Variants in GPHN observed in about 807,000 individuals in gnomAD.
The protein encoded by GPHN is gephyrin.
A neutral mutation model predicts 95.5 loss-of-function variants in GPHN; 17 were observed. The ratio of observed to expected loss-of-function variants is 0.18; its 90% CI spans 0.12 to 0.27. GPHN has a LOEUF of 0.27. Among genes scored for constraint, GPHN ranks in the 10% least tolerant of loss-of-function variants. The pLI is 1.00. For synonymous variants in GPHN, 320 were observed against 322.5 expected (o/e 0.99, Z 0.08); for missense variants, 660 against 978.1 (o/e 0.67, Z 4.34).
chr14:67,582,121 C>T, the GPHN span: 1 of 1,613,592 alleles, frequency 6.2e-7, no homozygotes, highest in Non-Finnish European at 8.5e-7. The surrounding 1 kb of genome is among the most constrained non-coding windows in gnomAD (Gnocchi z 5.0). Context: ...ACGGCTGCTC[C>T]TTGCCTCTCA....
chr14:67,048,322 T>C (rs1304170157), intron 10 of GPHN, among the ~76,000 whole-genome samples: 1 of 152,198 alleles, frequency 6.6e-6, no homozygotes, highest in Non-Finnish European at 1.5e-5. Context: ...CTAACATTTT[T>C]ATTACTTCCT....
chr14:66,686,714 C>A (rs1478490409), intron 2 of GPHN, among the ~76,000 whole-genome samples: 4 of 152,166 alleles, frequency 2.6e-5, no homozygotes, highest in African/African-American at 7.2e-5. Context: ...AATTTGAGTT[C>A]TTCTTTTCCT....
chr14:67,375,340 C>T, the GPHN span, among the ~76,000 whole-genome samples: 5 of 151,796 alleles, frequency 3.3e-5, no homozygotes, highest in African/African-American at 1.2e-4. Flanking sequence ...ACTGCAACCA[C>T]CTCCTCCTGG....
the GPHN span, among the ~76,000 whole-genome samples, chr14:67,499,212 C>T: frequency 6.6e-6 from 1 of 152,046 alleles, no homozygotes; most frequent in African/African-American, 2.4e-5. Flanking sequence ...CTATGTTGCT[C>T]AGGCTGGTCT....
intron 14 of GPHN, among the ~76,000 whole-genome samples, chr14:67,110,804 G>C (rs1270165505): frequency 1.3e-5 from 2 of 152,158 alleles, no homozygotes; most frequent in Admixed American, 1.3e-4. Context: ...CTGTAAGTCT[G>C]GAAAAAGCTG....
At chr14:67,668,250 A>G in the GPHN span, among the ~76,000 whole-genome samples, 3 of 152,226 alleles carry the variant, frequency 2.0e-5, no homozygotes, top group Admixed American at 6.5e-5. Context: ...AAATTATAGC[A>G]CATTATAGTA....
chr14:67,432,097 A>G, the GPHN span, among the ~76,000 whole-genome samples: 2 of 152,210 alleles, frequency 1.3e-5, no homozygotes. Flanking sequence ...AGCCACTATG[A>G]ATTGGTAACA....
At chr14:67,162,416 A>G (rs1246005145) in intron 19 of GPHN, among the ~76,000 whole-genome samples, 1 of 152,274 alleles carries the variant, frequency 6.6e-6, no homozygotes, top group Admixed American at 6.5e-5. Context: ...GCTACTTAAT[A>G]TTAGAACAAA....
At chr14:67,394,428 C>A in the GPHN span, among the ~76,000 whole-genome samples, 78 of 152,224 alleles carry the variant, frequency 5.1e-4, no homozygotes, top group Non-Finnish European at 9.1e-4. Context: ...CCCAAGAGTG[C>A]ACAGTAGCCC....
the GPHN span, among the ~76,000 whole-genome samples, chr14:67,448,838 C>G: frequency 3.3e-5 from 5 of 152,120 alleles, no homozygotes; most frequent in Non-Finnish European, 5.9e-5. Context: ...CTTAAAGAAC[C>G]TTGACCTAAG....
chr14:67,388,135 C>A, the GPHN span: 1 of 838,954 alleles, frequency 1.2e-6, no homozygotes, highest in Non-Finnish European at 2.0e-6. Flanking sequence ...GCTCGGCTCC[C>A]AAAGCTGTCA....
chr14:66,583,611 C>T (rs902290429), intron 1 of GPHN, among the ~76,000 whole-genome samples: 217 of 152,042 alleles, frequency 1.4e-3, no homozygotes, highest in Admixed American at 2.7e-3. Flanking sequence ...TATGGCTAGC[C>T]AGTTTTCCCA....
the GPHN span, among the ~76,000 whole-genome samples, chr14:67,416,679 G>A: frequency 1.3e-5 from 2 of 152,372 alleles, no homozygotes; most frequent in East Asian, 1.9e-4. Flanking sequence ...GAGAATGTCC[G>A]TGTACAAAGC....
the GPHN span, chr14:67,392,214 C>A: frequency 1.3e-6 from 1 of 753,134 alleles, no homozygotes; most frequent in South Asian, 1.5e-5. Context: ...GTAGATTTTG[C>A]TGTAATTGGT....
intron 1 of GPHN, among the ~76,000 whole-genome samples, chr14:66,651,682 T>G (rs1283159084): frequency 6.6e-6 from 1 of 152,172 alleles, no homozygotes; most frequent in Non-Finnish European, 1.5e-5. Context: ...CGGAATATCC[T>G]GAGATTGCCA....
the GPHN span, chr14:67,733,886 T>C: frequency 6.7e-7 from 1 of 1,481,514 alleles, no homozygotes. Context: ...GCCCAATCCA[T>C]GCCATAATGA....
chr14:67,143,972 C>T (rs1178718770), intron 18 of GPHN, among the ~76,000 whole-genome samples: 3 of 151,502 alleles, frequency 2.0e-5, no homozygotes, highest in Admixed American at 1.3e-4. Flanking sequence ...CACAGTGGCT[C>T]AAGCCTGTAA....
chr14:67,504,898 A>G, the GPHN span, among the ~76,000 whole-genome samples: 1 of 14,920 alleles, frequency 6.7e-5, no homozygotes, highest in Non-Finnish European at 6.1e-4. Flanking sequence ...AACAAAACAA[A>G]ACAAAAACAA....
intron 5 of GPHN, among the ~76,000 whole-genome samples, chr14:66,912,874 A>G (rs1001856713): frequency 6.6e-6 from 1 of 152,198 alleles, no homozygotes; most frequent in African/African-American, 2.4e-5. Context: ...ACTAAGGATT[A>G]AAGAAGTTTA....
Sources: gnomAD v4.1 joint callset for allele counts (sites outside exome capture counted in the v4.1 genomes callset) on GRCh38, gnomAD v4.1.1 for gene constraint, Gnocchi (gnomAD v3.1) non-coding constraint, MANE v1.5 for transcripts, NCBI Gene and HGNC (gene_info 2026-07-23, HGNC 2026-07-21) for gene names.